Variants in E2F3 observed in about 807,000 individuals in gnomAD.
The protein encoded by E2F3 is transcription factor E2F3.
In E2F3, 11 loss-of-function variants were observed where a neutral mutation model predicts 44.4. The observed-to-expected ratio is 0.25, with a 90% CI of 0.16 to 0.41. The LOEUF (loss-of-function observed/expected upper bound fraction) is 0.41, where lower values mean the gene tolerates loss of function less well. E2F3 is among the 10% of genes least tolerant of loss of function. E2F3 has a pLI of 1.00. For synonymous variants in E2F3, 249 were observed against 253.0 expected (o/e 0.98, Z 0.15); for missense variants, 487 against 583.6 (o/e 0.83, Z 1.70).
intron 1 of E2F3, among the ~76,000 whole-genome samples, chr6:20,415,767 TGGTAGTGCTCTGTGCA>T (rs1759825372): frequency 1.3e-5 from 2 of 152,172 alleles, no homozygotes; most frequent in South Asian, 4.1e-4. Flanking sequence ...CCCCTACTCT[TGGTAGTGCTCTGTGCA>T]GGCCACCTAA....
chr6:20,473,671 T>C (rs1197407710), intron 1 of E2F3, among the ~76,000 whole-genome samples: 3 of 152,136 alleles, frequency 2.0e-5, no homozygotes, highest in Admixed American at 6.5e-5. Flanking sequence ...CTTGAAGGGA[T>C]TGGGACTCAG....
intron 1 of E2F3, among the ~76,000 whole-genome samples, chr6:20,415,402 G>C (rs1759812314): frequency 1.3e-5 from 2 of 152,212 alleles, no homozygotes; most frequent in Non-Finnish European, 2.9e-5. Flanking sequence ...TCTCCGTGGT[G>C]ATAGTTTGTG....
chr6:20,427,080 C>T (rs1367789599), intron 1 of E2F3, among the ~76,000 whole-genome samples: 1 of 152,190 alleles, frequency 6.6e-6, no homozygotes, highest in African/African-American at 2.4e-5. Flanking sequence ...ATGAAAAGTT[C>T]TGCATAAGGT....
rs746277803 is a variant in E2F3 at position 20,402,364 on chromosome 6, C to T, written c.132C>T (p.Phe44=). ...GGGCACTGCTAGCCAGCCCCGGCTT[C>T]GCCGCCGCCGCCGCCGCTGCCGCCG... ...DKRALLASPG[F]AAAAAAAAAP... Residue 44 remains phenylalanine (F), a synonymous_variant, in exon 1 of 7, where the codon TTC becomes TTT. Coordinates refer to ENST00000346618, the MANE Select transcript of E2F3 (RefSeq NM_001949.5). This position sits in a 1 kb window ranked among gnomAD's most constrained non-coding sequence, Gnocchi z 5.6. 6.3e-6 allele frequency: 10 copies of T among 1,597,930 alleles called. No individual in the cohort carries two copies. The South Asian group carries it at 7.8e-5, about 12-fold the overall frequency.
At chr6:20,415,194 C>T (rs1404334925) in intron 1 of E2F3, among the ~76,000 whole-genome samples, 1 of 152,162 alleles carries the variant, frequency 6.6e-6, no homozygotes, top group Admixed American at 6.5e-5. Flanking sequence ...GTCCTTCTGG[C>T]CCTCAAGGAG....
rs894951039 is a variant in E2F3, at chr6:20,492,983, G to A, written c.*2553G>A. 17 of 214,416 alleles carry A rather than the reference G, an allele frequency of 7.9e-5. No homozygotes were observed. Among genetic ancestry groups the A allele is most frequent in the African/African-American group, 2.7e-4 (12 of 44,274 alleles). The allele number at this position is 214,416 out of a possible 1,614,324, so 13.3% of individuals were successfully genotyped here. A position where few individuals can be genotyped will look rare whatever the true frequency, so the allele number is the denominator to read the frequency against. On this transcript the variant is annotated 3_prime_UTR_variant, in exon 7 of 7. Transcript: ENST00000346618. ...TTACAAGTGTGCAAATTATGACTGC[G>A]TGAGCCTTAGAAAATAAAATGTATA...
At chr6:20,457,541 C>T (rs1247118426) in intron 1 of E2F3, among the ~76,000 whole-genome samples, 7 of 151,872 alleles carry the variant, frequency 4.6e-5, no homozygotes, top group Admixed American at 3.9e-4. Flanking sequence ...GCATCCATTA[C>T]CTAGAATTGT....
intron 1 of E2F3, among the ~76,000 whole-genome samples, chr6:20,411,415 T>G (rs1190613262): frequency 6.6e-6 from 1 of 152,018 alleles, no homozygotes; most frequent in African/African-American, 2.4e-5. Flanking sequence ...TCCTCACCCC[T>G]CCTTTTTTAT....
chr6:20,478,072 A>G (rs1762104368), intron 1 of E2F3, among the ~76,000 whole-genome samples: 2 of 151,938 alleles, frequency 1.3e-5, no homozygotes, highest in African/African-American at 4.8e-5. Flanking sequence ...CATGGTGTGC[A>G]CCTGTGGTCC....
intron 1 of E2F3, among the ~76,000 whole-genome samples, chr6:20,451,652 A>G (rs192397498): frequency 7.2e-5 from 11 of 152,256 alleles, no homozygotes; most frequent in Admixed American, 7.2e-4. Flanking sequence ...TTCAAGGGGA[A>G]TGCTTCCAGC....
At position 20,492,228 on chromosome 6, in the gene E2F3, T is replaced by C. The variant is rs1762573001; in HGVS notation, c.*1798T>C. On this transcript the variant is annotated 3_prime_UTR_variant, in exon 7 of 7. Coordinates refer to ENST00000346618, the MANE Select transcript of E2F3 (RefSeq NM_001949.5). ...TAGATTTCCACAATATGCAAAGTGG[T>C]GGTGGGGTCAAGACAGATGACACCA... is the stretch of plus-strand genomic sequence containing the variant. 4.4e-6 allele frequency: 1 copy of C among 228,130 alleles called. No homozygotes were observed. 14.1% of individuals were successfully genotyped at this position (228,130 alleles called of 1,614,324 possible).
intron 1 of E2F3, among the ~76,000 whole-genome samples, chr6:20,475,148 C>T (rs984830577): frequency 3.9e-5 from 6 of 152,236 alleles, no homozygotes; most frequent in African/African-American, 1.4e-4. Flanking sequence ...ACTTTCTAGA[C>T]TTAGTGATTC....
At chr6:20,474,417 A>G (rs2127616739) in intron 1 of E2F3, among the ~76,000 whole-genome samples, 2 of 152,308 alleles carry the variant, frequency 1.3e-5, no homozygotes, top group South Asian at 4.1e-4. Flanking sequence ...TCCACACAGA[A>G]TCTCACAGAG....
intron 1 of E2F3, chr6:20,403,918 T>C: frequency 1.2e-6 from 1 of 843,910 alleles, no homozygotes. Context: ...GGTAGGCGGT[T>C]GAGCGGGGTT....
Position 20,481,207 on chromosome 6 carries a change from T to A in E2F3, c.507T>A (p.Thr169=), listed in dbSNP as rs1313396161. The A allele has an allele frequency of 6.2e-7, 1 of 1,613,494 alleles. No individual in the cohort carries two copies. The highest frequency in any genetic ancestry group is 1.7e-5 in the Admixed American group (1 of 59,988). ...GCTCGGTTTTTGTTTTTCTTTAAGC[T>A]CCAAAATCTCCCTCAGAAAAAACGC... ...AALRSPDSPK[T]PKSPSEKTRY... The change falls in exon 3 of 7, where the codon ACT becomes ACA. Residue 169 remains threonine (T), a splice_region_variant and synonymous_variant. Transcript: ENST00000346618.
rs753672997 is a variant in E2F3 at position 20,486,798 on chromosome 6, A to G, written c.994A>G (p.Ile332Val). The G allele has an allele frequency of 8.1e-6, 13 of 1,600,982 alleles. No individual in the cohort carries two copies. Among genetic ancestry groups the G allele is most frequent in the East Asian group, 4.5e-5 (2 of 44,796 alleles). ...PETRLEVPDSIESLQIHLAST... is the reference protein window; with the variant it reads ...PETRLEVPDSVESLQIHLAST... The stretch of plus-strand genomic sequence containing the variant: ...AACAAGACTTGAAGTGCCTGACTCA[A>G]TAGAGGTAAGGAGACAGCGTCTTTG... The change falls in exon 5 of 7, where the codon ATA (isoleucine) becomes GTA (valine). Residue 332 changes from isoleucine to valine, a missense_variant. By Grantham distance (29) the Ile-to-Val change is conservative. Transcript: ENST00000346618.
chr6:20,484,014 C>G (rs1762312873), intron 4 of E2F3, among the ~76,000 whole-genome samples: 1 of 152,122 alleles, frequency 6.6e-6, no homozygotes, highest in Non-Finnish European at 1.5e-5. Context: ...TGATTTGGAC[C>G]CCCAGTGGTT....
At chr6:20,413,633 C>T (rs1311993670) in intron 1 of E2F3, among the ~76,000 whole-genome samples, 8 of 152,130 alleles carry the variant, frequency 5.3e-5, no homozygotes, top group South Asian at 2.1e-4. Context: ...GGTGGCTAGA[C>T]GCCAGGCACC....
intron 1 of E2F3, among the ~76,000 whole-genome samples, chr6:20,475,606 A>G (rs1348064569): frequency 6.6e-6 from 1 of 152,196 alleles, no homozygotes; most frequent in Non-Finnish European, 1.5e-5. Context: ...GGTTCAAGCA[A>G]TTCTCATGCC....
Sources: allele counts gnomAD v4.1 joint callset (sites outside exome capture counted in the v4.1 genomes callset), GRCh38; gene constraint gnomAD v4.1.1; non-coding constraint Gnocchi (gnomAD v3.1); transcripts MANE v1.5; gene names NCBI Gene and HGNC (gene_info 2026-07-23, HGNC 2026-07-21).